The following NRG3 variants were observed in gnomAD, a reference collection of about 807,000 sequenced individuals.
NRG3 encodes the protein neuregulin 3, also known as pro-neuregulin-3, membrane-bound isoform.
In NRG3, 31 loss-of-function variants were observed where a neutral mutation model predicts 66.9. That is an observed-to-expected ratio of 0.46 (90% CI 0.35 to 0.63). NRG3 has a LOEUF of 0.63. Ranked by LOEUF, NRG3 falls within the 20% of genes least tolerant of loss-of-function variation. The probability of loss-of-function intolerance (pLI) is 0.00; values close to 1 mark genes in which losing one functional copy is unlikely to be tolerated. For missense variants in NRG3, 910 were observed against 878.9 expected (o/e 1.04, Z -0.45); for synonymous variants, 393 against 359.4 (o/e 1.09, Z -1.06).
intron 2 of NRG3, among the ~76,000 whole-genome samples, chr10:82,599,487 A>T (rs753708932): frequency 2.0e-5 from 3 of 152,200 alleles, no homozygotes; most frequent in Admixed American, 6.5e-5. Context: ...GGCAGTAGAC[A>T]TAAATTTGTA....
At chr10:82,091,783 T>C (rs1204531574) in intron 1 of NRG3, among the ~76,000 whole-genome samples, 1 of 152,206 alleles carries the variant, frequency 6.6e-6, no homozygotes, top group Non-Finnish European at 1.5e-5. Context: ...TGCATAGGTG[T>C]TCTAATTTCT....
chr10:82,130,029 T>A (rs1341908043), intron 1 of NRG3, among the ~76,000 whole-genome samples: 1 of 152,038 alleles, frequency 6.6e-6, no homozygotes, highest in Non-Finnish European at 1.5e-5. Flanking sequence ...CTAGTAACCA[T>A]CATTCTACTC....
chr10:82,009,958 G>C (rs57572654), intron 1 of NRG3, among the ~76,000 whole-genome samples: 1 of 152,164 alleles, frequency 6.6e-6, no homozygotes, highest in African/African-American at 2.4e-5. Flanking sequence ...TCATTACTCA[G>C]TGAAAGAAGT....
At chr10:81,882,948 T>C (rs1842312196) in intron 1 of NRG3, among the ~76,000 whole-genome samples, 1 of 152,182 alleles carries the variant, frequency 6.6e-6, no homozygotes, top group Non-Finnish European at 1.5e-5. Context: ...TTCCAGCATA[T>C]GTTTATCAAA....
chr10:82,596,684 TCTC>T (rs1477646156), intron 2 of NRG3, among the ~76,000 whole-genome samples: 5 of 152,094 alleles, frequency 3.3e-5, no homozygotes, highest in East Asian at 1.9e-4. Context: ...TAATTTCACT[TCTC>T]CTCTCTACCA....
chr10:82,291,081 A>T (rs1195694155), intron 1 of NRG3, among the ~76,000 whole-genome samples: 3 of 152,078 alleles, frequency 2.0e-5, no homozygotes, highest in Non-Finnish European at 4.4e-5. Context: ...TTGAACCATA[A>T]TATATATAAA....
chr10:81,880,850 G>T (rs1370482516), intron 1 of NRG3, among the ~76,000 whole-genome samples: 1 of 152,144 alleles, frequency 6.6e-6, no homozygotes, highest in Non-Finnish European at 1.5e-5. Context: ...AGACTCGTGT[G>T]TTGGGTAAGG....
intron 1 of NRG3, among the ~76,000 whole-genome samples, chr10:82,117,609 A>G (rs78468517): frequency 0.011 from 1,735 of 152,178 alleles, 29 homozygotes; most frequent in African/African-American, 0.04. Flanking sequence ...GCCAAGGAGA[A>G]GGAGCTTCCT....
At chr10:82,519,360 AT>A (rs1464455422) in intron 2 of NRG3, among the ~76,000 whole-genome samples, 2 of 152,118 alleles carry the variant, frequency 1.3e-5, no homozygotes, top group African/African-American at 4.8e-5. Context: ...CACCTGCTCA[AT>A]TTCCACACCT....
chr10:82,898,432 G>A (rs919167454), intron 4 of NRG3, among the ~76,000 whole-genome samples: 2 of 152,104 alleles, frequency 1.3e-5, no homozygotes, highest in Non-Finnish European at 2.9e-5. Flanking sequence ...CTACCCAGAT[G>A]GTCTTAAGGT....
At position 82,953,699 on chromosome 10, in the gene NRG3, C is replaced by T. The variant is rs144379631; in HGVS notation, c.1157+2128C>T. ...GATTAAATGCAATCATGGCCAGACG[C>T]GGTGACTCATGCCTGTAATCCCAGC... On this transcript the variant is annotated intron_variant, in intron 5 of 8. Transcript: ENST00000372141. Among the ~76,000 whole-genome samples the T allele has an allele frequency of 2.1e-3, 323 of 151,950 alleles. 9 individuals carry two copies. The highest frequency in any genetic ancestry group is 7.0e-3 in the African/African-American group (290 of 41,268).
In NRG3 at chr10:82,031,209, A is replaced by G. The variant is rs537843686; in HGVS notation, c.823+155046A>G. ...AGGTATGGTTGTTTCAACTGAGTGCACACATCTATTAGTGCTAAGTCACAT... is the reference window on the plus strand; with the variant it reads ...AGGTATGGTTGTTTCAACTGAGTGCGCACATCTATTAGTGCTAAGTCACAT... On this transcript the variant is annotated intron_variant, in intron 1 of 8. Transcript: ENST00000372141. Among the ~76,000 whole-genome samples the G allele has an allele frequency of 9.9e-5, 15 of 152,250 alleles. No homozygotes were observed. The South Asian group carries it at 3.1e-3, about 32-fold the overall frequency.
At chr10:82,107,098 C>A (rs1227411294) in intron 1 of NRG3, among the ~76,000 whole-genome samples, 2 of 152,220 alleles carry the variant, frequency 1.3e-5, no homozygotes, top group African/African-American at 4.8e-5. Context: ...TATTTTGGGA[C>A]CAGAAGTGTT....
chr10:82,938,316 T>C (rs1848269955), intron 4 of NRG3, among the ~76,000 whole-genome samples: 3 of 152,208 alleles, frequency 2.0e-5, no homozygotes, highest in Non-Finnish European at 4.4e-5. Flanking sequence ...TCAGATCTGC[T>C]CTGGGCTGGG....
At chr10:82,240,516 TG>T (rs2076962001) in intron 1 of NRG3, among the ~76,000 whole-genome samples, 5 of 152,158 alleles carry the variant, frequency 3.3e-5, no homozygotes, top group Admixed American at 3.3e-4. Flanking sequence ...GAGTCCGAAA[TG>T]GTTCCTAATT....
chr10:82,521,012 G>A (rs917758352), intron 2 of NRG3, among the ~76,000 whole-genome samples: 84 of 152,076 alleles, frequency 5.5e-4, no homozygotes, highest in African/African-American at 2.0e-3. Context: ...TGCAGCATGG[G>A]ATATACTCAA....
intron 1 of NRG3, among the ~76,000 whole-genome samples, chr10:81,900,886 T>C (rs1844001698): frequency 6.6e-6 from 1 of 152,012 alleles, no homozygotes; most frequent in African/African-American, 2.4e-5. Context: ...AAGTAAAACA[T>C]TTTAAAAGAG....
chr10:82,408,073 G>GAC (rs2087696062), intron 2 of NRG3, among the ~76,000 whole-genome samples: 18 of 123,678 alleles, frequency 1.5e-4, no homozygotes, highest in African/African-American at 4.7e-4. Context: ...GAGAGAGAGA[G>GAC]AGAGAGAGAG....
intron 3 of NRG3, chr10:82,827,204 T>TAAA (rs5786573): frequency 9.3e-5 from 18 of 193,210 alleles, no homozygotes; most frequent in Middle Eastern, 1.5e-3. Context: ...TACCAAATTG[T>TAAA]AAAAAAAAAA....
Sources: allele counts gnomAD v4.1 joint callset (sites outside exome capture counted in the v4.1 genomes callset), GRCh38; gene constraint gnomAD v4.1.1; transcripts MANE v1.5; gene names NCBI Gene and HGNC (gene_info 2026-07-23, HGNC 2026-07-21).